TBXAS1: variants seen among roughly 807,000 people sequenced by gnomAD.
The protein encoded by TBXAS1 is thromboxane A synthase 1.
A neutral mutation model predicts 60.7 loss-of-function variants in TBXAS1; 48 were observed. The ratio of observed to expected loss-of-function variants is 0.79; its 90% CI spans 0.63 to 1.01. The LOEUF (loss-of-function observed/expected upper bound fraction) is 1.01. Among genes scored for constraint, TBXAS1 ranks in the 50% least tolerant of loss-of-function variants. The pLI, the probability that TBXAS1 is intolerant of heterozygous loss-of-function variation, is 0.00. For synonymous variants in TBXAS1, 287 were observed against 269.7 expected, an observed-to-expected ratio of 1.06 and a Z score of -0.63; for missense variants, 685 against 686.3, an observed-to-expected ratio of 1.00 and a Z score of 0.02.
intron 3 of TBXAS1, among the ~76,000 whole-genome samples, chr7:139,905,007 C>CTTTCTTTCTTTCTTTCT (rs1569511387): frequency 8.6e-4 from 53 of 61,728 alleles, no homozygotes; most frequent in African/African-American, 3.9e-3. Context: ...CTCTTTCTCT[C>CTTTCTTTCTTTCTTTCT]TTTCTTTCTT....
intron 10 of TBXAS1, among the ~76,000 whole-genome samples, chr7:140,011,342 A>AG (rs1814600388): frequency 9.3e-5 from 1 of 10,798 alleles, no homozygotes; most frequent in Admixed American, 1.3e-3. Flanking sequence ...TAAAAAAAAA[A>AG]GAAAAAAAAG....
chr7:139,926,650 T>G (rs1806903047), intron 4 of TBXAS1, among the ~76,000 whole-genome samples: 2 of 152,104 alleles, frequency 1.3e-5, no homozygotes, highest in African/African-American at 4.8e-5. Flanking sequence ...GTGATCTTTA[T>G]TCTTTTTTTT....
At position 139,953,622 on chromosome 7, in the gene TBXAS1, A is replaced by C. The variant is rs535182222; in HGVS notation, c.539+166A>C. On this transcript the variant is annotated intron_variant, in intron 6 of 12. Coordinates refer to ENST00000448866, the MANE Select transcript of TBXAS1 (RefSeq NM_001061.7). Reference sequence around the variant, plus strand: ...AATAAAAAGAAAAGAAACCCACTTAACATGGGAAAGAGATGTGAGCAGAGC... The same window carrying C: ...AATAAAAAGAAAAGAAACCCACTTACCATGGGAAAGAGATGTGAGCAGAGC... 8.0e-5 allele frequency: 54 copies of C among 676,300 alleles called. No homozygotes were observed. The Admixed American group carries it at 1.0e-3, about 13-fold the overall frequency. 41.9% of individuals were successfully genotyped at this position (676,300 alleles called of 1,614,324 possible). A position where few individuals can be genotyped will look rare whatever the true frequency, so the allele number is the denominator to read the frequency against.
intron 4 of TBXAS1, among the ~76,000 whole-genome samples, chr7:139,802,602 T>G (rs1797748719): frequency 6.6e-6 from 1 of 152,148 alleles, no homozygotes; most frequent in Non-Finnish European, 1.5e-5. Flanking sequence ...CTGGCCAACA[T>G]GGTGAAGCCC....
chr7:139,921,360 T>C (rs764830123), intron 4 of TBXAS1, among the ~76,000 whole-genome samples: 1 of 152,208 alleles, frequency 6.6e-6, no homozygotes, highest in Non-Finnish European at 1.5e-5. Flanking sequence ...TGTTCTGGCA[T>C]CTTTTGCTCA....
intron 9 of TBXAS1, among the ~76,000 whole-genome samples, chr7:139,989,028 G>A (rs1812707366): frequency 6.6e-6 from 1 of 152,230 alleles, no homozygotes; most frequent in Admixed American, 6.5e-5. Flanking sequence ...TGATCTCTAA[G>A]GAGGGAGGCA....
intron 4 of TBXAS1, among the ~76,000 whole-genome samples, chr7:139,919,758 T>C (rs567004880): frequency 6.6e-6 from 1 of 152,242 alleles, no homozygotes; most frequent in East Asian, 1.9e-4. Context: ...GCTGTCTTCA[T>C]GCACCCATGG....
intron 9 of TBXAS1, among the ~76,000 whole-genome samples, chr7:139,969,964 A>C (rs987197376): frequency 5.9e-5 from 9 of 152,330 alleles, no homozygotes; most frequent in African/African-American, 2.2e-4. Flanking sequence ...GCGTGAGAAA[A>C]GTGGCAACGG....
intron 7 of TBXAS1, among the ~76,000 whole-genome samples, chr7:139,955,842 G>T (rs1304883287): frequency 1.3e-5 from 2 of 152,332 alleles, no homozygotes; most frequent in East Asian, 3.9e-4. Flanking sequence ...CCACCGCCAT[G>T]GTGAGAACGG....
At position 139,817,058 on chromosome 7, in the gene TBXAS1, A is replaced by G. The variant is rs148813457; in HGVS notation, c.-79-12254A>G. 3.1e-3 allele frequency among the ~76,000 whole-genome samples: 470 copies of G among 152,290 alleles called. 3 individuals are homozygous for G. Among genetic ancestry groups the G allele is most frequent in the Non-Finnish European group, 5.5e-3 (376 of 68,014 alleles). ...CCTCCTCTCCTTGTCCTTCCCAATC[A>G]GTTGCCAAGCCCCCAGCTGTTTCAT... On this transcript the variant is annotated intron_variant, in intron 4 of 16. Coordinates refer to the TBXAS1 transcript ENST00000336425.
intron 3 of TBXAS1, among the ~76,000 whole-genome samples, chr7:139,899,302 C>G (rs371556652): frequency 6.6e-6 from 1 of 152,088 alleles, no homozygotes; most frequent in Admixed American, 6.6e-5. Context: ...CTGTAGGTGA[C>G]CCCCTGCCCA....
intron 1 of TBXAS1, among the ~76,000 whole-genome samples, chr7:139,869,543 A>AC (rs1339013039): frequency 6.6e-6 from 1 of 151,812 alleles, no homozygotes; most frequent in Non-Finnish European, 1.5e-5. Context: ...ATGCAACACT[A>AC]CCCCTGGCTA....
chr7:139,906,440 T>C (rs1331539758), intron 3 of TBXAS1, among the ~76,000 whole-genome samples: 1 of 152,114 alleles, frequency 6.6e-6, no homozygotes, highest in Non-Finnish European at 1.5e-5. Context: ...GTTGAGCATA[T>C]ATATGTGGGT....
intron 4 of TBXAS1, among the ~76,000 whole-genome samples, chr7:139,821,945 G>A (rs190259344): frequency 1.3e-5 from 2 of 152,276 alleles, no homozygotes; most frequent in Admixed American, 6.5e-5. Context: ...GCAACTGTCC[G>A]CCAGTGGCTT....
chr7:139,944,844 T>A (rs1035914538), intron 5 of TBXAS1, among the ~76,000 whole-genome samples: 1 of 152,196 alleles, frequency 6.6e-6, no homozygotes. Context: ...AGGAAATATG[T>A]TTTCCCTAGC....
rs1266473969 is a variant in TBXAS1 at position 140,017,667 on chromosome 7, G to A, written c.1365-4G>A. On this transcript the variant is annotated splice_region_variant and splice_polypyrimidine_tract_variant and intron_variant, in intron 11 of 12. Coordinates refer to ENST00000448866, the MANE Select transcript of TBXAS1 (RefSeq NM_001061.7). The stretch of plus-strand genomic sequence containing the variant: ...GGGCCAGCCCTGACCACACGGACCT[G>A]CAGGTTCACGGCTGAGGCCCGGCAG... 6.2e-7 allele frequency: 1 copy of A among 1,612,552 alleles called. No individual in the cohort carries two copies. Among genetic ancestry groups the A allele is most frequent in the Non-Finnish European group, 8.5e-7 (1 of 1,179,670 alleles).
chr7:139,972,552 CT>C (rs533383226), intron 9 of TBXAS1, among the ~76,000 whole-genome samples: 14 of 151,348 alleles, frequency 9.3e-5, no homozygotes, highest in African/African-American at 3.2e-4. Context: ...AATAAACATA[CT>C]TTTTTTTTAA....
intron 5 of TBXAS1, chr7:139,952,536 G>T: frequency 6.5e-7 from 1 of 1,536,510 alleles, no homozygotes; most frequent in Non-Finnish European, 8.7e-7. Context: ...AAATGATTCT[G>T]CTCGATATTT....
chr7:139,848,810 G>A (rs922647532), intron 1 of TBXAS1, among the ~76,000 whole-genome samples: 1 of 152,172 alleles, frequency 6.6e-6, no homozygotes, highest in African/African-American at 2.4e-5. Flanking sequence ...TGTAGCGGGA[G>A]GCACTGCACA....
Sources: allele counts gnomAD v4.1 joint callset (sites outside exome capture counted in the v4.1 genomes callset), GRCh38; gene constraint gnomAD v4.1.1; transcripts MANE v1.5; gene names NCBI Gene and HGNC (gene_info 2026-07-23, HGNC 2026-07-21).